CLTC: variants seen among roughly 807,000 people sequenced by gnomAD.
CLTC encodes the protein clathrin heavy chain 1.
In CLTC, 16 loss-of-function variants were observed where a neutral mutation model predicts 195.8. The observed-to-expected ratio is 0.08, with a 90% CI of 0.06 to 0.12. The LOEUF (loss-of-function observed/expected upper bound fraction) is 0.12. Ranked by LOEUF, CLTC falls within the 10% of genes least tolerant of loss-of-function variation. The pLI is 1.00. For missense variants in CLTC, 796 were observed against 2,027.0 expected, an observed-to-expected ratio of 0.39 and a Z score of 11.66; for synonymous variants, 667 against 689.4, an observed-to-expected ratio of 0.97 and a Z score of 0.51.
Position 59,685,079 on chromosome 17 carries a change from T to G in CLTC, c.4458T>G (p.Ala1486=). 3.1e-6 allele frequency: 5 copies of G among 1,596,638 alleles called. No individual in the cohort carries two copies. Among genetic ancestry groups the G allele is most frequent in the Non-Finnish European group, 4.3e-6 (5 of 1,168,688 alleles). The change falls in exon 29 of 32, where the codon GCT becomes GCG. Residue 1486 remains alanine (A), a synonymous_variant. Transcript: ENST00000269122. This position sits in a 1 kb window ranked among gnomAD's most constrained non-coding sequence, Gnocchi z 5.0. ...DYQALRTSID[A]YDNFDNISLA... is the part of the protein sequence containing the mutation. The stretch of plus-strand genomic sequence containing the variant: ...AGGCTCTGCGAACATCAATAGATGC[T>G]TATGACAACTTTGACAATATCTCGC...
chr17:59,641,004 A>G (rs1043979163), intron 1 of CLTC, among the ~76,000 whole-genome samples: 8 of 151,818 alleles, frequency 5.3e-5, no homozygotes, highest in Admixed American at 2.0e-4. Context: ...CTGTAGTCCC[A>G]GCTACTTGGG....
rs556116402 is a variant in CLTC, at chr17:59,695,874, T to C, written c.*2022T>C. On this transcript the variant is annotated 3_prime_UTR_variant, in exon 32 of 32. Transcript: ENST00000269122. Reference sequence around the variant, plus strand: ...AATAGTATTATGAAAACATTGACTCTGTGGAGACCCTGTGGGTTCTGCAGA... The same window carrying C: ...AATAGTATTATGAAAACATTGACTCCGTGGAGACCCTGTGGGTTCTGCAGA... The C allele has an allele frequency of 5.1e-6, 1 of 197,178 alleles. No individual in the cohort carries two copies. The highest frequency in any genetic ancestry group is 1.9e-4 in the South Asian group (1 of 5,214). 12.2% of individuals were successfully genotyped at this position (197,178 alleles called of 1,614,324 possible).
intron 1 of CLTC, among the ~76,000 whole-genome samples, chr17:59,632,963 A>G (rs1348283493): frequency 6.6e-6 from 1 of 152,188 alleles, no homozygotes; most frequent in African/African-American, 2.4e-5. Flanking sequence ...TAAAATATTG[A>G]GTTTGTGTTA....
intron 3 of CLTC, among the ~76,000 whole-genome samples, chr17:59,647,980 T>C (rs1567943504): frequency 2.0e-5 from 3 of 152,218 alleles, no homozygotes; most frequent in Admixed American, 6.5e-5. Context: ...GAGTATTTAC[T>C]GCAGAATGAA....
intron 1 of CLTC, among the ~76,000 whole-genome samples, chr17:59,620,547 T>TC (rs1371155064): frequency 1.5e-5 from 2 of 130,592 alleles, no homozygotes; most frequent in Non-Finnish European, 3.1e-5. Flanking sequence ...AGGATTCTTA[T>TC]CCCCTGGGCC....
chr17:59,668,756 G>T, intron 13 of CLTC, 21 bp from the exon 14 acceptor site: 1 of 1,573,512 alleles, frequency 6.4e-7, no homozygotes, highest in South Asian at 1.2e-5. Context: ...ATGCTTAATT[G>T]TAATTACTTG....
intron 10 of CLTC, 81 bp downstream of exon 10, chr17:59,664,990 C>T: frequency 6.5e-7 from 1 of 1,550,306 alleles, no homozygotes; most frequent in South Asian, 1.2e-5. Context: ...CTTGGGAGTC[C>T]AAGGTGGGAG....
In CLTC at chr17:59,647,383, T is replaced by C. The variant is rs1211496866; in HGVS notation, c.251-15T>C. 4 of 1,594,482 alleles carry C rather than the reference T, an allele frequency of 2.5e-6. No individual in the cohort carries two copies. The South Asian group carries it at 3.3e-5, about 13-fold the overall frequency. ...TACTCTTTTAATGATTTATAATTCT[T>C]GATTTTGTTTTTAGCTGGGAAAACT... On this transcript the variant is annotated splice_polypyrimidine_tract_variant and intron_variant, in intron 2 of 31. Transcript: ENST00000269122.
chr17:59,641,999 G>GTTTTTT (rs398031234), intron 1 of CLTC, among the ~76,000 whole-genome samples: 2 of 128,684 alleles, frequency 1.6e-5, no homozygotes, highest in African/African-American at 2.9e-5. Flanking sequence ...AATCTTTGTT[G>GTTTTTT]TTTTTTTTTT....
At chr17:59,620,696 C>T (rs964517562) in intron 1 of CLTC, among the ~76,000 whole-genome samples, 1 of 151,284 alleles carries the variant, frequency 6.6e-6, no homozygotes, top group African/African-American at 2.4e-5. Context: ...AAGGCACCTT[C>T]TCCGGTGGTG....
chr17:59,624,453 A>ATTT (rs2031480757), intron 1 of CLTC, among the ~76,000 whole-genome samples: 7 of 106,394 alleles, frequency 6.6e-5, no homozygotes, highest in South Asian at 4.6e-4. Context: ...TGAGCCACAT[A>ATTT]CTTTTTTTTT....
At chr17:59,624,704 A>G (rs1279987192) in intron 1 of CLTC, among the ~76,000 whole-genome samples, 2 of 151,908 alleles carry the variant, frequency 1.3e-5, no homozygotes, top group Non-Finnish European at 2.9e-5. Flanking sequence ...CCTGACTTCA[A>G]ATGATCTGCC....
In CLTC at chr17:59,657,203, G is replaced by T. The variant is rs192665207; in HGVS notation, c.969+1176G>T. Among the ~76,000 whole-genome samples, 535 of 152,220 alleles carry T rather than the reference G, an allele frequency of 3.5e-3. 4 individuals carry two copies. Among genetic ancestry groups the T allele is most frequent in the African/African-American group, 0.011 (475 of 41,524 alleles). ...GAGACAATTCCTCTAGGGAAAGGGA[G>T]TGCATCCCTACCTACCCATGCCCCA... On this transcript the variant is annotated intron_variant, in intron 6 of 31. Transcript: ENST00000269122.
At chr17:59,680,024 G>A (rs796792096) in intron 18 of CLTC, among the ~76,000 whole-genome samples, 2 of 151,948 alleles carry the variant, frequency 1.3e-5, no homozygotes, top group African/African-American at 4.8e-5. Context: ...TCCAGCCTGG[G>A]TGATAAGAGC....
chr17:59,685,366 G>A lies in CLTC; in HGVS notation c.4605+140G>A. The A allele has an allele frequency of 1.1e-6, 1 of 912,838 alleles. No homozygotes were observed. 56.5% of individuals were successfully genotyped at this position (912,838 alleles called of 1,614,324 possible). ...GGCAATTTAAGTTAATGGATTTCTT[G>A]ATTCTAGGGGCTCTCTTATGTTAAG... is the stretch of plus-strand genomic sequence containing the variant. On this transcript the variant is annotated intron_variant, in intron 29 of 31. Coordinates refer to ENST00000269122, the MANE Select transcript of CLTC (RefSeq NM_004859.4). This position sits in a 1 kb window ranked among gnomAD's most constrained non-coding sequence, Gnocchi z 5.0.
chr17:59,661,411 C>T (rs369805909), intron 7 of CLTC, 32 bp from the exon 8 acceptor site: 43 of 1,559,096 alleles, frequency 2.8e-5, no homozygotes, highest in African/African-American at 6.8e-5. Context: ...CTTACACTTT[C>T]GAAGAGCGTT....
chr17:59,660,621 A>G (rs1180846529), intron 7 of CLTC, 33 bp downstream of exon 7: 4 of 1,587,658 alleles, frequency 2.5e-6, no homozygotes, highest in African/African-American at 1.3e-5. Context: ...TTGTCATGAC[A>G]TTAATCCATT....
At chr17:59,623,592 G>A (rs1232454861) in intron 1 of CLTC, among the ~76,000 whole-genome samples, 1 of 152,092 alleles carries the variant, frequency 6.6e-6, no homozygotes, top group Non-Finnish European at 1.5e-5. Flanking sequence ...GACCATAATT[G>A]GAATTTGTAC....
rs1024463481 is a variant in CLTC, at chr17:59,648,131, A to G, written c.520-109A>G. The stretch of plus-strand genomic sequence containing the variant: ...GTGAGAGATGAAGTGACAAATAATT[A>G]TAAATCCTGCTAAAGATGACAAAGC... On this transcript the variant is annotated intron_variant, in intron 3 of 31. Coordinates refer to ENST00000269122, the MANE Select transcript of CLTC (RefSeq NM_004859.4). This position sits in a 1 kb window ranked among gnomAD's most constrained non-coding sequence, Gnocchi z 4.5. 7.5e-6 allele frequency: 8 copies of G among 1,072,962 alleles called. No homozygotes were observed. The African/African-American group carries it at 1.3e-4, about 17-fold the overall frequency. The allele number at this position is 1,072,962 out of a possible 1,614,324, so 66.5% of individuals were successfully genotyped here.
Sources: allele counts gnomAD v4.1 joint callset (sites outside exome capture counted in the v4.1 genomes callset), GRCh38; gene constraint gnomAD v4.1.1; non-coding constraint Gnocchi (gnomAD v3.1); transcripts MANE v1.5; gene names NCBI Gene and HGNC (gene_info 2026-07-23, HGNC 2026-07-21).